Variants in UTP14A observed in about 807,000 individuals in gnomAD.
UTP14A encodes U3 small nucleolar RNA-associated protein 14 homolog A.
In UTP14A, 5 loss-of-function variants were observed where a neutral mutation model predicts 57.2. That is an observed-to-expected ratio of 0.09 (90% confidence interval 0.05 to 0.18). The LOEUF (loss-of-function observed/expected upper bound fraction) is 0.18. UTP14A is among the 10% of genes least tolerant of loss of function. The pLI is 1.00. For missense variants in UTP14A, 430 were observed against 562.1 expected, an observed-to-expected ratio of 0.76 and a Z score of 2.38; for synonymous variants, 169 against 210.9, an observed-to-expected ratio of 0.80 and a Z score of 1.72.
At chrX:129,920,820 G>A (rs1929882266) in intron 10 of UTP14A, 68 bp downstream of exon 10, 2 of 1,205,139 alleles carry the variant, frequency 1.7e-6, no homozygotes, top group Admixed American at 4.5e-5. Flanking sequence ...AGTTGGGGAA[G>A]AGCCATGAGG....
chrX:129,907,462 C>T lies in UTP14A; in HGVS notation c.102+20C>T. 1 of 1,182,680 alleles carries T rather than the reference C, an allele frequency of 8.5e-7. No individual in the cohort carries two copies. Among genetic ancestry groups the T allele is most frequent in the Non-Finnish European group, 1.1e-6 (1 of 873,367 alleles). ...GATGAGGTGGGTGACAATTGCTAAA[C>T]TGCCTTCAAAATTAGGGTAGAGAGC... On this transcript the variant is annotated intron_variant, in intron 2 of 14. Coordinates refer to ENST00000394422, the MANE Select transcript of UTP14A (RefSeq NM_006649.4).
Position 129,908,080 on chromosome X carries a change from A to G in UTP14A, c.123A>G (p.Arg41=), listed in dbSNP as rs746012078. Residue 41 remains arginine, a synonymous_variant, in exon 3 of 15, where the codon AGA becomes AGG. Coordinates refer to ENST00000394422, the MANE Select transcript of UTP14A (RefSeq NM_006649.4). ...SEDEGDNDGE[R]KHQKLLEAIS... The stretch of plus-strand genomic sequence containing the variant: ...CTTAGGGGGACAATGATGGAGAGAG[A>G]AAGCATCAAAAGCTTCTGGAAGCAA... 1 of 1,208,456 alleles carries G rather than the reference A, an allele frequency of 8.3e-7. No homozygotes were observed. The highest frequency in any genetic ancestry group is 1.1e-6 in the Non-Finnish European group (1 of 894,209).
At chrX:129,925,807 T>G in intron 12 of UTP14A, 112 bp from the exon 13 acceptor site, 1 of 938,616 alleles carries the variant, frequency 1.1e-6, no homozygotes, top group East Asian at 3.4e-5. Context: ...ACCATCATTG[T>G]TCAGCACTTC....
chrX:129,927,806 C>T (rs1930159654), intron 14 of UTP14A, among the ~76,000 whole-genome samples: 1 of 111,953 alleles, frequency 8.9e-6, no homozygotes, highest in Non-Finnish European at 1.9e-5. Flanking sequence ...CGTACCCTGC[C>T]AAAGACTACT....
intron 4 of UTP14A, among the ~76,000 whole-genome samples, chrX:129,910,588 G>A (rs1296384373): frequency 8.9e-6 from 1 of 111,784 alleles, no homozygotes; most frequent in Non-Finnish European, 1.9e-5. Context: ...TACTTGGGAG[G>A]ATTGCCTGAG....
intron 5 of UTP14A, 152 bp downstream of exon 5, chrX:129,911,302 G>T: frequency 1.3e-6 from 1 of 793,349 alleles, no homozygotes; most frequent in Non-Finnish European, 1.7e-6. Context: ...ATCTAGGAGT[G>T]CCAGGCGCGG....
chrX:129,906,609 T>A (rs375784839), intron 1 of UTP14A, among the ~76,000 whole-genome samples: 116 of 111,183 alleles, frequency 1.0e-3, no homozygotes, highest in South Asian at 6.8e-3. Context: ...CTTTGCTGAT[T>A]GGAGTCATCC....
At chrX:129,927,639 T>C (rs749446517) in intron 14 of UTP14A, among the ~76,000 whole-genome samples, 5 of 111,718 alleles carry the variant, frequency 4.5e-5, no homozygotes, top group Non-Finnish European at 7.5e-5. Context: ...CCTGAGTAGC[T>C]GGGATTACAG....
intron 1 of UTP14A, 111 bp from the exon 2 acceptor site, chrX:129,907,253 AAAT>A (rs1211147486): frequency 1.1e-4 from 64 of 582,655 alleles, no homozygotes; most frequent in African/African-American, 1.1e-3. Context: ...ACATTGCTTC[AAAT>A]AATAATATTT....
chrX:129,926,456 A>C (rs1930111857), intron 14 of UTP14A, 117 bp downstream of exon 14: 1 of 624,241 alleles, frequency 1.6e-6, no homozygotes, highest in African/African-American at 2.2e-5. Flanking sequence ...CCGCAGAATC[A>C]AATCTGTTGT....
At chrX:129,915,789 G>A (rs1404574252) in intron 6 of UTP14A, among the ~76,000 whole-genome samples, 1 of 109,514 alleles carries the variant, frequency 9.1e-6, no homozygotes, top group Non-Finnish European at 1.9e-5. Context: ...AGGGGCCTCC[G>A]AATTGCCAAA....
At chrX:129,909,892 A>C (rs1929401910) in intron 4 of UTP14A, among the ~76,000 whole-genome samples, 2 of 112,160 alleles carry the variant, frequency 1.8e-5, no homozygotes, top group South Asian at 7.3e-4. Flanking sequence ...TATTCAGTGG[A>C]TATTTATTGT....
At chrX:129,924,386 AAG>A (rs1242565146) in intron 11 of UTP14A, among the ~76,000 whole-genome samples, 1 of 105,381 alleles carries the variant, frequency 9.5e-6, no homozygotes, top group Non-Finnish European at 1.9e-5. Flanking sequence ...TCCCTGGTTC[AAG>A]TGATTCTCCT....
intron 5 of UTP14A, 32 bp downstream of exon 5, chrX:129,911,182 A>C: frequency 8.5e-7 from 1 of 1,176,985 alleles, no homozygotes; most frequent in East Asian, 3.0e-5. Context: ...CTATTAAGGG[A>C]AAGAAATTGA....
chrX:129,921,681 A>G, intron 11 of UTP14A, 94 bp downstream of exon 11: 2 of 978,350 alleles, frequency 2.0e-6, no homozygotes, highest in Non-Finnish European at 2.8e-6. Flanking sequence ...ACAAAACTGC[A>G]TAGTGATTAG....
chrX:129,916,609 A>G (rs1409264917), intron 6 of UTP14A, among the ~76,000 whole-genome samples: 1 of 111,271 alleles, frequency 9.0e-6, no homozygotes, highest in African/African-American at 3.3e-5. Flanking sequence ...CACTGCCCTA[A>G]TCGAGGCCCT....
chrX:129,927,095 C>T lies in UTP14A; in HGVS notation c.2043+756C>T, dbSNP rs773155616. On this transcript the variant is annotated intron_variant, in intron 14 of 14. Transcript: ENST00000394422. Reference sequence around the variant, plus strand: ...CGATAAGGGAAGGGGGGAAAGGGTGCTTCAGTGGGCCAGGATTCCAGGTGA... The same window carrying T: ...CGATAAGGGAAGGGGGGAAAGGGTGTTTCAGTGGGCCAGGATTCCAGGTGA... Among the ~76,000 whole-genome samples the T allele has an allele frequency of 2.0e-4, 22 of 111,205 alleles. No individual in the cohort carries two copies. In the South Asian group the frequency reaches 7.6e-3, roughly 38 times the overall value.
At chrX:129,922,822 G>C (rs1486427786) in intron 11 of UTP14A, 1 of 108,202 alleles carries the variant, frequency 9.2e-6, no homozygotes, top group Non-Finnish European at 1.9e-5. Context: ...TAATAGTTTT[G>C]GCTGGATATT....
rs776084700 is a variant in UTP14A, at chrX:129,908,142, G to A, written c.173+12G>A. On this transcript the variant is annotated intron_variant, in intron 3 of 14. Coordinates refer to ENST00000394422, the MANE Select transcript of UTP14A (RefSeq NM_006649.4). ...GATGGAAAGAATAGGTAACGTTCCC[G>A]TCAGTTAGGGCAGGTTATATAGTCA... is the stretch of plus-strand genomic sequence containing the variant. 1.7e-4 allele frequency: 203 copies of A among 1,182,851 alleles called. No homozygotes were observed. Among genetic ancestry groups the A allele is most frequent in the Non-Finnish European group, 2.2e-4 (193 of 876,776 alleles).
Sources: gnomAD v4.1 joint callset for allele counts (sites outside exome capture counted in the v4.1 genomes callset) on GRCh38, gnomAD v4.1.1 for gene constraint, MANE v1.5 for transcripts, NCBI Gene and HGNC (gene_info 2026-07-23, HGNC 2026-07-21) for gene names.